Variants in SPATA17 observed in about 807,000 individuals in gnomAD.
SPATA17 encodes spermatogenesis associated 17.
In SPATA17, 53 loss-of-function variants were observed where a neutral mutation model predicts 62.2. That is an observed-to-expected ratio of 0.85 (90% CI 0.68 to 1.07). SPATA17 has a LOEUF of 1.07. Ranked by LOEUF, SPATA17 falls within the 50% of genes least tolerant of loss-of-function variation. The pLI is 0.00. For synonymous variants in SPATA17, 146 were observed against 146.8 expected, an observed-to-expected ratio of 0.99 and a Z score of 0.04; for missense variants, 466 against 425.5, an observed-to-expected ratio of 1.10 and a Z score of -0.84.
intron 5 of SPATA17, among the ~76,000 whole-genome samples, chr1:217,698,722 G>A (rs58618370): frequency 0.031 from 4,758 of 152,248 alleles, 222 homozygotes; most frequent in African/African-American, 0.11. Flanking sequence ...CTTTGTGTGT[G>A]TGTGTGTCTG....
In SPATA17 at chr1:217,774,835, CT is replaced by C. The variant is rs578035279; in HGVS notation, c.723+301del. On this transcript the variant is annotated intron_variant, in intron 7 of 10. Coordinates refer to ENST00000366933, the MANE Select transcript of SPATA17 (RefSeq NM_138796.4). ...TTGCAGAATATGTCCGAATTTCCTTCTTTCTTAAGGCTGAATAATATTCTAT... is the reference window on the plus strand; with the variant it reads ...TTGCAGAATATGTCCGAATTTCCTTCTTCTTAAGGCTGAATAATATTCTAT... Among the ~76,000 whole-genome samples the C allele has an allele frequency of 2.0e-5, 3 of 152,274 alleles. No homozygotes were observed. The South Asian group carries it at 6.2e-4, about 32-fold the overall frequency.
Position 217,838,981 on chromosome 1 carries a change from G to C in SPATA17, c.1006-23793G>C, listed in dbSNP as rs574256690. 3.6e-4 allele frequency among the ~76,000 whole-genome samples: 55 copies of C among 152,148 alleles called. 1 individual carries two copies. The highest frequency in any genetic ancestry group is 2.9e-3 in the Admixed American group (45 of 15,270). ...ATTAACCAAGCCTCTCAGTATTTTA[G>C]AGGCTATTTAAAAATTCTAATATAA... On this transcript the variant is annotated intron_variant, in intron 9 of 10. Coordinates refer to ENST00000366933, the MANE Select transcript of SPATA17 (RefSeq NM_138796.4).
intron 3 of SPATA17, among the ~76,000 whole-genome samples, chr1:217,660,974 T>G (rs1177510696): frequency 1.3e-5 from 2 of 152,142 alleles, no homozygotes; most frequent in African/African-American, 4.8e-5. Context: ...GACACCTCCA[T>G]GTGGTGGTAT....
At chr1:217,744,529 A>C (rs957823532) in intron 6 of SPATA17, among the ~76,000 whole-genome samples, 1 of 151,792 alleles carries the variant, frequency 6.6e-6, no homozygotes, top group Non-Finnish European at 1.5e-5. Context: ...CATAGACCTT[A>C]ATGGATTTTC....
chr1:217,783,463 G>T (rs921107808), intron 8 of SPATA17, among the ~76,000 whole-genome samples: 1 of 151,874 alleles, frequency 6.6e-6, no homozygotes, highest in Non-Finnish European at 1.5e-5. Context: ...TAATTGATTG[G>T]CTTAACCCAA....
chr1:217,863,059 C>T (rs922908723), intron 10 of SPATA17, among the ~76,000 whole-genome samples: 1 of 151,420 alleles, frequency 6.6e-6, no homozygotes, highest in African/African-American at 2.4e-5. Context: ...CAGATCTCTT[C>T]TCCAAAATGA....
rs1676127363 is a variant in SPATA17, at chr1:217,871,445, A to G, written c.*4426A>G. Reference sequence around the variant, plus strand: ...CCATTTTATTTTCACTTCCATTTTAAGCTGGCTCAAAGCCTTTTAGGAACA... The same window carrying G: ...CCATTTTATTTTCACTTCCATTTTAGGCTGGCTCAAAGCCTTTTAGGAACA... On this transcript the variant is annotated 3_prime_UTR_variant, in exon 11 of 11. Transcript: ENST00000366933. 6.6e-6 allele frequency: 1 copy of G among 151,892 alleles called. No individual in the cohort carries two copies. The highest frequency in any genetic ancestry group is 2.4e-5 in the African/African-American group (1 of 41,318). The allele number at this position is 151,892 out of a possible 1,614,324, so 9.4% of individuals were successfully genotyped here. A position where few individuals can be genotyped will look rare whatever the true frequency, so the allele number is the denominator to read the frequency against.
chr1:217,815,438 G>T (rs1409997762), intron 9 of SPATA17, among the ~76,000 whole-genome samples: 1 of 152,168 alleles, frequency 6.6e-6, no homozygotes, highest in Non-Finnish European at 1.5e-5. Context: ...GCAGCAGCGT[G>T]TTTTGGGTAC....
At chr1:217,714,720 C>T (rs1671960800) in intron 5 of SPATA17, among the ~76,000 whole-genome samples, 1 of 151,916 alleles carries the variant, frequency 6.6e-6, no homozygotes, top group Non-Finnish European at 1.5e-5. Flanking sequence ...CTCCTGACCT[C>T]ATGATCCGCC....
intron 10 of SPATA17, among the ~76,000 whole-genome samples, chr1:217,864,275 G>C (rs1480526856): frequency 6.6e-6 from 1 of 152,070 alleles, no homozygotes; most frequent in Non-Finnish European, 1.5e-5. Context: ...TATCAGTCCT[G>C]TTTATGATAA....
chr1:217,806,812 A>G (rs1674445518), intron 9 of SPATA17, among the ~76,000 whole-genome samples: 1 of 152,166 alleles, frequency 6.6e-6, no homozygotes, highest in South Asian at 2.1e-4. Flanking sequence ...TCACCTTCTT[A>G]AAAGCTCTGT....
At chr1:217,721,830 T>G (rs1672134846) in intron 5 of SPATA17, among the ~76,000 whole-genome samples, 1 of 152,192 alleles carries the variant, frequency 6.6e-6, no homozygotes, top group African/African-American at 2.4e-5. Flanking sequence ...CTTATACAAA[T>G]GATATTCTCC....
intron 6 of SPATA17, among the ~76,000 whole-genome samples, chr1:217,746,995 G>GA (rs1381376871): frequency 6.6e-6 from 1 of 151,918 alleles, no homozygotes; most frequent in Non-Finnish European, 1.5e-5. Flanking sequence ...ATATTTCCCA[G>GA]AAAATACTAT....
rs557388532 is a variant in SPATA17 at position 217,753,568 on chromosome 1, G to C, written c.519+11470G>C. Among the ~76,000 whole-genome samples, 6 of 151,772 alleles carry C rather than the reference G, an allele frequency of 4.0e-5. No individual in the cohort carries two copies. The South Asian group carries it at 6.2e-4, about 16-fold the overall frequency. On this transcript the variant is annotated intron_variant, in intron 6 of 10. Coordinates refer to ENST00000366933, the MANE Select transcript of SPATA17 (RefSeq NM_138796.4). ...TTAATTAACTTATTAGGTATGGGTA[G>C]AGATAGTTATTGGGTATTAAAAAGA...
chr1:217,789,699 T>A (rs146244954), intron 8 of SPATA17, among the ~76,000 whole-genome samples: 104 of 152,258 alleles, frequency 6.8e-4, no homozygotes, highest in African/African-American at 2.4e-3. Flanking sequence ...TTAAAGATCT[T>A]CTGATTGGCA....
At chr1:217,684,417 CTT>C (rs1671168969) in intron 5 of SPATA17, among the ~76,000 whole-genome samples, 1 of 151,906 alleles carries the variant, frequency 6.6e-6, no homozygotes, top group East Asian at 1.9e-4. Flanking sequence ...TTATTTTACT[CTT>C]TTATTTTTTT....
At chr1:217,658,627 A>G (rs561246743) in intron 3 of SPATA17, among the ~76,000 whole-genome samples, 3 of 152,104 alleles carry the variant, frequency 2.0e-5, no homozygotes, top group Admixed American at 6.5e-5. Flanking sequence ...GCGTGGTGGC[A>G]GGTGCCTGTA....
At chr1:217,860,173 G>C (rs1235301240) in intron 9 of SPATA17, among the ~76,000 whole-genome samples, 1 of 152,118 alleles carries the variant, frequency 6.6e-6, no homozygotes, top group African/African-American at 2.4e-5. Context: ...TTATTTAGAA[G>C]TGCATTGTTT....
chr1:217,847,098 A>G (rs1485820974), intron 9 of SPATA17, among the ~76,000 whole-genome samples: 1 of 152,008 alleles, frequency 6.6e-6, no homozygotes, highest in African/African-American at 2.4e-5. Context: ...TCTATCATAG[A>G]GTTTTAAGGA....
Sources: allele counts gnomAD v4.1 joint callset (sites outside exome capture counted in the v4.1 genomes callset), GRCh38; gene constraint gnomAD v4.1.1; transcripts MANE v1.5; gene names NCBI Gene and HGNC (gene_info 2026-07-23, HGNC 2026-07-21).